MALRD1: variants seen among roughly 807,000 people sequenced by gnomAD.
MALRD1 encodes the protein MAM and LDL-receptor class A domain-containing protein 1.
Under a neutral mutation model 242.1 loss-of-function variants are expected in MALRD1, and 247 were observed. That is an observed-to-expected ratio of 1.02 (90% CI 0.92 to 1.13). The LOEUF (loss-of-function observed/expected upper bound fraction) is 1.13. Ranked by LOEUF, MALRD1 falls within the 50% of genes most tolerant of loss-of-function variation. The pLI, the probability that MALRD1 is intolerant of heterozygous loss-of-function variation, is 0.00. For missense variants in MALRD1, 2,989 were observed against 2,533.1 expected (o/e 1.18, Z -3.86); for synonymous variants, 995 against 866.6 (o/e 1.15, Z -2.60).
chr10:19,161,812 G>A (rs1834431809), intron 12 of MALRD1, among the ~76,000 whole-genome samples: 1 of 152,034 alleles, frequency 6.6e-6, no homozygotes, highest in African/African-American at 2.4e-5. Flanking sequence ...GGTGGATCAC[G>A]AGGTCAGGAG....
chr10:19,280,478 T>C (rs1840749802), intron 20 of MALRD1, among the ~76,000 whole-genome samples: 1 of 152,230 alleles, frequency 6.6e-6, no homozygotes, highest in South Asian at 2.1e-4. Context: ...AAACTTTACT[T>C]GACTCTGGGA....
chr10:19,272,672 A>G (rs903809417), intron 19 of MALRD1, among the ~76,000 whole-genome samples: 1 of 152,054 alleles, frequency 6.6e-6, no homozygotes, highest in African/African-American at 2.4e-5. Context: ...TCCTAATGCT[A>G]TCCCTCCCCT....
chr10:19,358,081 A>G (rs1844713530), intron 26 of MALRD1, among the ~76,000 whole-genome samples: 1 of 152,120 alleles, frequency 6.6e-6, no homozygotes, highest in South Asian at 2.1e-4. Context: ...TAAGAAAAAG[A>G]CAACCAACTT....
intron 1 of MALRD1, among the ~76,000 whole-genome samples, chr10:19,050,408 A>G (rs1436088024): frequency 6.6e-6 from 1 of 151,786 alleles, no homozygotes; most frequent in East Asian, 1.9e-4. Context: ...TTATTCAGAT[A>G]AAATATCAAT....
At chr10:19,712,093 T>A (rs1834149894) in intron 38 of MALRD1, among the ~76,000 whole-genome samples, 1 of 152,106 alleles carries the variant, frequency 6.6e-6, no homozygotes. Flanking sequence ...GGAACTCAGA[T>A]AAGACAAATA....
intron 32 of MALRD1, among the ~76,000 whole-genome samples, chr10:19,548,897 G>T (rs974102229): frequency 6.6e-6 from 1 of 152,190 alleles, no homozygotes; most frequent in African/African-American, 2.4e-5. Context: ...ATGTCGAAAG[G>T]TGAGATAGGC....
chr10:19,237,498 C>G (rs546326298), intron 18 of MALRD1, among the ~76,000 whole-genome samples: 89 of 91,802 alleles, frequency 9.7e-4, no homozygotes, highest in Non-Finnish European at 1.4e-3. Context: ...AATAGTATTT[C>G]ATTGTGTGTG....
At chr10:19,386,632 T>C (rs1846087214) in intron 26 of MALRD1, among the ~76,000 whole-genome samples, 1 of 152,128 alleles carries the variant, frequency 6.6e-6, no homozygotes, top group Admixed American at 6.6e-5. Context: ...TGTATTTGAC[T>C]AATATTTACT....
At chr10:19,362,945 A>AT (rs1384315196) in intron 26 of MALRD1, among the ~76,000 whole-genome samples, 2 of 151,990 alleles carry the variant, frequency 1.3e-5, no homozygotes, top group African/African-American at 4.8e-5. Context: ...ATTAAGAGAG[A>AT]TTTTTGATTT....
chr10:19,376,551 T>TA (rs1488437694), intron 26 of MALRD1, among the ~76,000 whole-genome samples: 4 of 139,158 alleles, frequency 2.9e-5, no homozygotes, highest in African/African-American at 1.1e-4. Context: ...TCTTTTTTTT[T>TA]TTTTTTTTTT....
intron 32 of MALRD1, among the ~76,000 whole-genome samples, chr10:19,546,230 C>A (rs1335516626): frequency 5.3e-5 from 8 of 152,298 alleles, no homozygotes; most frequent in Admixed American, 5.2e-4. Context: ...AAATTCCCTT[C>A]CCCTAACAGT....
intron 24 of MALRD1, among the ~76,000 whole-genome samples, chr10:19,346,287 A>G (rs1033188863): frequency 1.3e-5 from 2 of 152,194 alleles, no homozygotes; most frequent in African/African-American, 4.8e-5. Flanking sequence ...AATAGAGTAC[A>G]TGATTTGTCC....
rs1374779718 is a variant in MALRD1 at position 19,299,715 on chromosome 10, C to T, written c.3419+16534C>T. 2.0e-5 allele frequency among the ~76,000 whole-genome samples: 3 copies of T among 151,882 alleles called. No individual in the cohort carries two copies. In the East Asian group the frequency reaches 5.8e-4, roughly 29 times the overall value. On this transcript the variant is annotated intron_variant, in intron 21 of 39. Transcript: ENST00000454679. ...CTCAACAAACTAGGCACTGAAGGAA[C>T]ATACCTCAAAATAACAAAAGTCATC... is the stretch of plus-strand genomic sequence containing the variant.
Position 19,324,073 on chromosome 10 carries a change from C to G in MALRD1, c.3544C>G (p.His1182Asp), listed in dbSNP as rs779761754. 4 of 1,550,382 alleles carry G rather than the reference C, an allele frequency of 2.6e-6. No individual in the cohort carries two copies. In the South Asian group the frequency reaches 4.8e-5, roughly 18 times the overall value. ...GPKCTLVFWT[H>D]MNGATVGSLQ... is the part of the protein sequence containing the mutation. ...AAAATGTACCTTGGTGTTCTGGACA[C>G]ATATGAATGGGGCCACCGTTGGTTC... The change falls in exon 22 of 40, where the codon CAT becomes GAT. Residue 1182 changes from histidine to aspartate, a missense_variant. Physicochemically the swap from His to Asp is moderately conservative, Grantham distance 81 (BLOSUM62 -1). Transcript: ENST00000454679.
At chr10:19,367,977 GAT>G (rs774181533) in intron 26 of MALRD1, among the ~76,000 whole-genome samples, 8 of 152,052 alleles carry the variant, frequency 5.3e-5, no homozygotes, top group Non-Finnish European at 8.8e-5. Flanking sequence ...TTGCTGTTGA[GAT>G]ATATGTTTTC....
At chr10:19,569,254 G>A (rs1836397099) in intron 33 of MALRD1, among the ~76,000 whole-genome samples, 1 of 151,932 alleles carries the variant, frequency 6.6e-6, no homozygotes, top group South Asian at 2.1e-4. Flanking sequence ...AGGCCTTTTA[G>A]GGTCCCAGAT....
In MALRD1 at chr10:19,615,853, T is replaced by C; in HGVS notation, c.6071-4T>C. 1 of 1,527,690 alleles carries C rather than the reference T, an allele frequency of 6.5e-7. No individual in the cohort carries two copies. The highest frequency in any genetic ancestry group is 8.8e-7 in the Non-Finnish European group (1 of 1,141,774). The allele number at this position is 1,527,690 out of a possible 1,614,324, so 94.6% of individuals were successfully genotyped here. A position where few individuals can be genotyped will look rare whatever the true frequency, so the allele number is the denominator to read the frequency against. ...ACTGGTGTCTTTGTGATGCTTCTTT[T>C]TAGAATGTCCATTAAATTACTGCAG... is the stretch of plus-strand genomic sequence containing the variant. On this transcript the variant is annotated splice_polypyrimidine_tract_variant and splice_region_variant and intron_variant, in intron 35 of 39. Coordinates refer to ENST00000454679, the MANE Select transcript of MALRD1 (RefSeq NM_001142308.3).
At chr10:19,593,706 C>T (rs1268524878) in intron 33 of MALRD1, among the ~76,000 whole-genome samples, 2 of 152,190 alleles carry the variant, frequency 1.3e-5, no homozygotes, top group Non-Finnish European at 2.9e-5. Flanking sequence ...ATAGTCAACA[C>T]TCAACAGTCA....
chr10:19,506,691 G>A (rs1394751876), intron 31 of MALRD1, among the ~76,000 whole-genome samples: 1 of 152,000 alleles, frequency 6.6e-6, no homozygotes. Context: ...ATGATAATAA[G>A]TGTGGTTAAA....
Sources: allele counts gnomAD v4.1 joint callset (sites outside exome capture counted in the v4.1 genomes callset), GRCh38; gene constraint gnomAD v4.1.1; transcripts MANE v1.5; gene names NCBI Gene and HGNC (gene_info 2026-07-23, HGNC 2026-07-21).